The following CTNS variants were observed in gnomAD, a reference collection of about 807,000 sequenced individuals.
CTNS encodes cystinosin, lysosomal cystine transporter.
CTNS carries 27 observed loss-of-function variants against 43.7 expected under a neutral mutation model. That is an observed-to-expected ratio of 0.62 (90% CI 0.46 to 0.85). The LOEUF (loss-of-function observed/expected upper bound fraction) is 0.85. CTNS is among the 40% of genes least tolerant of loss of function. CTNS has a pLI of 0.00. For synonymous variants in CTNS, 187 were observed against 190.6 expected (o/e 0.98, Z 0.16); for missense variants, 457 against 475.4 (o/e 0.96, Z 0.36).
At chr17:3,649,545 A>G (rs1466419498) in intron 5 of CTNS, among the ~76,000 whole-genome samples, 2 of 152,112 alleles carry the variant, frequency 1.3e-5, no homozygotes, top group South Asian at 2.1e-4. Context: ...TTAGGAACAC[A>G]GCATCTCAGG....
At chr17:3,649,022 G>A (rs769912916) in intron 5 of CTNS, 91 bp downstream of exon 5, 33 of 1,103,890 alleles carry the variant, frequency 3.0e-5, no homozygotes, top group Non-Finnish European at 4.4e-5. Context: ...TCTCCTAGGC[G>A]GCCCCTGTTC....
intron 2 of CTNS, among the ~76,000 whole-genome samples, chr17:3,637,852 G>A (rs2075576730): frequency 6.9e-6 from 1 of 144,364 alleles, no homozygotes. Flanking sequence ...CCACCTCCTT[G>A]TTTGGCACCA....
At chr17:3,636,888 G>A (rs2075542070) in intron 1 of CTNS, 57 bp downstream of exon 1, 1 of 152,314 alleles carries the variant, frequency 6.6e-6, no homozygotes, top group Admixed American at 6.5e-5. Context: ...GGCACAGCAG[G>A]TCAGCGGGGC....
At chr17:3,656,820 AG>A in intron 9 of CTNS, 25 bp downstream of exon 9, 1 of 1,612,112 alleles carries the variant, frequency 6.2e-7, no homozygotes, top group Non-Finnish European at 8.5e-7. Flanking sequence ...GGCCCCCCAC[AG>A]GCCACCCCAG....
At chr17:3,641,414 C>G (rs1473533590) in intron 3 of CTNS, among the ~76,000 whole-genome samples, 1 of 25,894 alleles carries the variant, frequency 3.9e-5, no homozygotes, top group Non-Finnish European at 6.9e-5. Flanking sequence ...TTTTTTGAGA[C>G]AGAGTCTCAC....
intron 3 of CTNS, among the ~76,000 whole-genome samples, chr17:3,646,292 CTTTT>C (rs35737682): frequency 7.3e-6 from 1 of 137,218 alleles, no homozygotes; most frequent in African/African-American, 2.7e-5. Context: ...GGTTTTCTTT[CTTTT>C]TTTTTTTTTT....
In CTNS at chr17:3,659,950, G is replaced by C; in HGVS notation, c.945G>C (p.Gln315His). 1 of 1,613,806 alleles carries C rather than the reference G, an allele frequency of 6.2e-7. No individual in the cohort carries two copies. Among genetic ancestry groups the C allele is most frequent in the Non-Finnish European group, 8.5e-7 (1 of 1,179,974 alleles). ...DFTGGSFSLL[Q>H]MFLQSYNNDQ... is the part of the protein sequence containing the mutation. ...CCGGGGGCAGCTTCAGCCTCCTGCA[G>C]ATGTTCCTCCAGTCCTACAACAACG... The change falls in exon 11 of 12, where the codon CAG becomes CAC. Residue 315 changes from glutamine (Q) to histidine (H), a missense_variant. By Grantham distance (24) the Gln-to-His change is conservative (BLOSUM62 0). Transcript: ENST00000046640.
chr17:3,641,408 T>C (rs1204068077), intron 3 of CTNS, among the ~76,000 whole-genome samples: 46 of 105,694 alleles, frequency 4.4e-4, no homozygotes, highest in African/African-American at 1.4e-3. Context: ...TTTTTTTTTT[T>C]TGAGACAGAG....
chr17:3,649,041 T>C (rs1459257451), intron 5 of CTNS, 110 bp downstream of exon 5: 4 of 893,316 alleles, frequency 4.5e-6, no homozygotes, highest in Non-Finnish European at 5.6e-6. Context: ...TCCATCAACC[T>C]AGAAATCTGT....
At position 3,655,042 on chromosome 17, in the gene CTNS, A is replaced by T. The variant is rs754247532; in HGVS notation, c.270A>T (p.Thr90=). ...TGACAAACTCCTCTTTTCAAGTGAC[A>T]TCTCAAAATGTTGGACAACTTACTG... ...PGVTNSSFQV[T]SQNVGQLTVY... is the part of the protein sequence containing the mutation. Residue 90 remains threonine (T), a synonymous_variant, in exon 6 of 12, where the codon ACA becomes ACT. Coordinates refer to ENST00000046640, the MANE Select transcript of CTNS (RefSeq NM_004937.3). The T allele has an allele frequency of 5.0e-6, 8 of 1,613,952 alleles. No individual in the cohort carries two copies. Among genetic ancestry groups the T allele is most frequent in the East Asian group, 4.5e-5 (2 of 44,888 alleles).
At chr17:3,644,797 C>T (rs1005081894) in intron 3 of CTNS, among the ~76,000 whole-genome samples, 5 of 152,194 alleles carry the variant, frequency 3.3e-5, no homozygotes, top group Admixed American at 6.5e-5. Context: ...GATGGGGTTT[C>T]GCCATATTGG....
At chr17:3,641,023 C>T (rs1310698397) in intron 3 of CTNS, among the ~76,000 whole-genome samples, 1 of 152,134 alleles carries the variant, frequency 6.6e-6, no homozygotes, top group Non-Finnish European at 1.5e-5. Flanking sequence ...GTACCCGGTT[C>T]TGCCAGGCAC....
intron 5 of CTNS, among the ~76,000 whole-genome samples, chr17:3,653,749 G>A (rs577887807): frequency 5.3e-5 from 8 of 152,126 alleles, no homozygotes; most frequent in Middle Eastern, 3.4e-3. Context: ...GGTGGCACAC[G>A]CCTATAATTC....
chr17:3,643,203 A>G (rs1289975175), intron 3 of CTNS, among the ~76,000 whole-genome samples: 1 of 151,758 alleles, frequency 6.6e-6, no homozygotes, highest in Non-Finnish European at 1.5e-5. Flanking sequence ...AGTCCCAGCT[A>G]CTCGGGAGGC....
chr17:3,662,311 CA>C lies in CTNS; in HGVS notation c.*1957del, dbSNP rs397856854. 0.7 allele frequency among the ~76,000 whole-genome samples: 102,500 copies of C among 146,786 alleles called. 39,049 individuals carry two copies. Among genetic ancestry groups the C allele is most frequent in the Non-Finnish European group, 0.86 (57,124 of 66,288 alleles). Reference sequence around the variant, plus strand: ...GGGCAACAAGAACGAAACTCCATCTCAAAAAAAAAAAAAAATTATTGACTTT... The same window carrying C: ...GGGCAACAAGAACGAAACTCCATCTCAAAAAAAAAAAAAATTATTGACTTT... On this transcript the variant is annotated 3_prime_UTR_variant, in exon 12 of 12. Transcript: ENST00000046640.
intron 4 of CTNS, among the ~76,000 whole-genome samples, chr17:3,648,485 C>G (rs534379432): frequency 7.2e-5 from 11 of 152,352 alleles, no homozygotes; most frequent in Non-Finnish European, 5.9e-5. Flanking sequence ...GCCCTCTCCT[C>G]CTTCAGTCAA....
At chr17:3,642,142 C>CGTGTGTGTGTGTGTGT (rs75793503) in intron 3 of CTNS, among the ~76,000 whole-genome samples, 4 of 146,316 alleles carry the variant, frequency 2.7e-5, no homozygotes, top group African/African-American at 1.0e-4. Context: ...TGTGCCCGGG[C>CGTGTGTGTGTGTGTGT]GTGTGTGTGT....
At chr17:3,659,125 C>T (rs544623834) in intron 10 of CTNS, among the ~76,000 whole-genome samples, 56 of 152,130 alleles carry the variant, frequency 3.7e-4, no homozygotes, top group African/African-American at 1.1e-3. Context: ...GAGGGTGAGC[C>T]GGGACACAGA....
At chr17:3,649,096 C>T (rs993386250) in intron 5 of CTNS, among the ~76,000 whole-genome samples, 165 bp downstream of exon 5, 1 of 152,122 alleles carries the variant, frequency 6.6e-6, no homozygotes, top group African/African-American at 2.4e-5. Flanking sequence ...TATCACATGC[C>T]ATTAGATGGA....
Sources: gnomAD v4.1 joint callset for allele counts (sites outside exome capture counted in the v4.1 genomes callset) on GRCh38, gnomAD v4.1.1 for gene constraint, MANE v1.5 for transcripts, NCBI Gene and HGNC (gene_info 2026-07-23, HGNC 2026-07-21) for gene names.